Variants in MYO15B observed in about 807,000 individuals in gnomAD.
MYO15B encodes the protein myosin XVB, also known as myosin XVB pseudogene.
A neutral mutation model predicts 119.3 loss-of-function variants in MYO15B; 207 were observed. The ratio of observed to expected loss-of-function variants is 1.73; its 90% CI spans 1.55 to 1.95. MYO15B has a LOEUF of 1.95. MYO15B is among the 30% of genes most tolerant of loss of function. The pLI is 0.00. For synonymous variants in MYO15B, 966 were observed against 498.9 expected, an observed-to-expected ratio of 1.94 and a Z score of -12.48; for missense variants, 2,264 against 1,203.1, an observed-to-expected ratio of 1.88 and a Z score of -13.04.
intron 9 of MYO15B, among the ~76,000 whole-genome samples, chr17:75,593,602 A>T (rs1650129449): frequency 6.7e-6 from 1 of 148,554 alleles, no homozygotes; most frequent in Admixed American, 6.7e-5. Flanking sequence ...TGACAGAGCG[A>T]GACTCCGTCT....
At chr17:75,621,942 T>G (rs1210553888) in intron 52 of MYO15B, 62 bp from the exon 53 acceptor site, 2 of 694,946 alleles carry the variant, frequency 2.9e-6, no homozygotes, top group Non-Finnish European at 5.3e-6. Context: ...AGCAACAGCA[T>G]GAGCCGGGGC....
exon 39 of MYO15B, chr17:75,616,547 A>G: frequency 4.3e-6 from 3 of 702,810 alleles, no homozygotes; most frequent in South Asian, 1.5e-5. Flanking sequence ...TCCTCCCCCC[A>G]TCGTGAAGAA....
At chr17:75,623,630 G>A (rs976744985) in intron 53 of MYO15B, 151 bp from the exon 54 acceptor site, 2 of 615,966 alleles carry the variant, frequency 3.2e-6, no homozygotes, top group East Asian at 2.7e-5. Flanking sequence ...AGCGAAGAAA[G>A]TAACTGAGTA....
At chr17:75,605,403 C>T in intron 19 of MYO15B, 101 bp from the exon 20 acceptor site, 2 of 630,888 alleles carry the variant, frequency 3.2e-6, no homozygotes, top group Non-Finnish European at 5.7e-6. Flanking sequence ...CGCCACTGTA[C>T]TCCCGCCTGG....
intron 15 of MYO15B, among the ~76,000 whole-genome samples, chr17:75,602,000 A>G (rs2057315517): frequency 6.6e-6 from 1 of 152,048 alleles, no homozygotes; most frequent in African/African-American, 2.4e-5. Context: ...TCCGAGTTCT[A>G]TGCCTACCAA....
At chr17:75,599,246 T>C (rs1475665348) in intron 14 of MYO15B, among the ~76,000 whole-genome samples, 1 of 151,822 alleles carries the variant, frequency 6.6e-6, no homozygotes, top group Non-Finnish European at 1.5e-5. Context: ...TGACTCCTAC[T>C]ATCATTCCCA....
At chr17:75,592,909 G>A (rs1347155577) in intron 9 of MYO15B, 69 bp downstream of exon 9, 14 of 662,036 alleles carry the variant, frequency 2.1e-5, no homozygotes, top group Non-Finnish European at 3.6e-5. Context: ...TGGTAATGAC[G>A]CCAAATGCTG....
At chr17:75,602,859 G>C in exon 17 of MYO15B, 1 of 651,684 alleles carries the variant, frequency 1.5e-6, no homozygotes, top group Admixed American at 2.3e-5. Flanking sequence ...AGGAGGCAGA[G>C]CCCCAGTCCA....
chr17:75,615,077 C>T (rs910268916), intron 33 of MYO15B, 35 bp downstream of exon 33: 20 of 696,374 alleles, frequency 2.9e-5, no homozygotes, highest in African/African-American at 2.3e-4. Context: ...CCAGGGCCTC[C>T]GGGCCCGGCA....
In MYO15B at chr17:75,588,293, GC is replaced by G. The variant is rs937831241; in HGVS notation, c.239del (p.Pro80GlnfsTer289). 1 of 398,220 alleles carries G rather than the reference GC, an allele frequency of 2.5e-6. No individual in the cohort carries two copies. The highest frequency in any genetic ancestry group is 2.1e-5 in the African/African-American group (1 of 48,638). 24.7% of individuals were successfully genotyped at this position (398,220 alleles called of 1,614,324 possible). On this transcript the variant is annotated frameshift_variant, in exon 1 of 64. Coordinates refer to ENST00000645453, the Ensembl canonical transcript of MYO15B. LOFTEE classifies it high-confidence loss of function. Reference sequence around the variant, plus strand: ...GCAGAGGGGAACGGCGGCTGCAGACGCCCAGGGGCTGGGCTGTCCCCGAAAG... The same window carrying G: ...GCAGAGGGGAACGGCGGCTGCAGACGCCAGGGGCTGGGCTGTCCCCGAAAG...
chr17:75,614,741 G>C (rs2058259543), intron 31 of MYO15B, 32 bp from the exon 32 acceptor site: 1 of 702,618 alleles, frequency 1.4e-6, no homozygotes, highest in African/African-American at 1.7e-5. Context: ...CACGCCCCGG[G>C]CCATGGCTCC....
exon 28 of MYO15B, chr17:75,613,377 C>T: frequency 1.5e-6 from 1 of 671,972 alleles, no homozygotes. Context: ...CGCAGCTGGC[C>T]TCGGGGGCCA....
intron 29 of MYO15B, 176 bp downstream of exon 29, chr17:75,613,953 G>A (rs1568187207): frequency 6.8e-6 from 4 of 589,532 alleles, no homozygotes; most frequent in South Asian, 4.0e-5. Flanking sequence ...GGGCTTGGGA[G>A]CTCCCACGGC....
Position 75,617,967 on chromosome 17 carries a change from A to G in MYO15B, c.6927+45A>G, listed in dbSNP as rs570730607. On this transcript the variant is annotated intron_variant, in intron 42 of 63. Transcript: ENST00000645453. ...CTTGGCCTGGCCTCTTTGGGCTGGC[A>G]GGGAGGCGGCAGGCTTTGTGCATCC... is the stretch of plus-strand genomic sequence containing the variant. The G allele has an allele frequency of 7.2e-6, 5 of 697,546 alleles. No individual in the cohort carries two copies. In the East Asian group the frequency reaches 1.3e-4, roughly 19 times the overall value. 43.2% of individuals were successfully genotyped at this position (697,546 alleles called of 1,614,324 possible).
At chr17:75,623,684 A>T in intron 53 of MYO15B, 97 bp from the exon 54 acceptor site, 1 of 668,346 alleles carries the variant, frequency 1.5e-6, no homozygotes, top group South Asian at 1.6e-5. Context: ...ATCTTGAGCC[A>T]GCCCCAGCCC....
exon 64 of MYO15B, chr17:75,626,601 C>A: frequency 1.5e-6 from 1 of 652,862 alleles, no homozygotes; most frequent in South Asian, 1.7e-5. Context: ...CAGCACAGCC[C>A]AGCCGGCCCA....
At chr17:75,590,361 G>C in intron 1 of MYO15B, 118 bp downstream of exon 1, 1 of 398,352 alleles carries the variant, frequency 2.5e-6, no homozygotes, top group East Asian at 3.6e-5. Context: ...GGATGGGCTT[G>C]AACCCTCCTG....
chr17:75,620,262 T>A, exon 48 of MYO15B: 1 of 702,566 alleles, frequency 1.4e-6, no homozygotes, highest in Non-Finnish European at 2.6e-6. Flanking sequence ...GGCTATGTCA[T>A]CGCCCTGCGC....
exon 39 of MYO15B, chr17:75,616,720 T>G (rs1303651749): frequency 1.4e-6 from 1 of 702,956 alleles, no homozygotes; most frequent in South Asian, 1.5e-5. Flanking sequence ...GCAGGGAAAT[T>G]GGCAACATCA....
Sources: allele counts gnomAD v4.1 joint callset (sites outside exome capture counted in the v4.1 genomes callset), GRCh38; gene constraint gnomAD v4.1.1; transcripts MANE v1.5; gene names NCBI Gene and HGNC (gene_info 2026-07-23, HGNC 2026-07-21).